ADAMTSL1: variants seen among roughly 807,000 people sequenced by gnomAD.
ADAMTSL1 encodes the protein ADAMTS like 1, also known as ADAMTS-like protein 1.
ADAMTSL1 carries 126 observed loss-of-function variants against 201.8 expected under a neutral mutation model. That is an observed-to-expected ratio of 0.62 (90% CI 0.54 to 0.72). ADAMTSL1 has a LOEUF of 0.72. ADAMTSL1 is among the 30% of genes least tolerant of loss of function. ADAMTSL1 has a pLI of 0.00. For missense variants in ADAMTSL1, 2,679 were observed against 2,277.8 expected (o/e 1.18, Z -3.59); for synonymous variants, 1,121 against 903.4 (o/e 1.24, Z -4.32).
intron 15 of ADAMTSL1, among the ~76,000 whole-genome samples, chr9:18,733,958 T>G (rs1402065886): frequency 2.8e-5 from 4 of 143,808 alleles, no homozygotes; most frequent in Non-Finnish European, 3.0e-5. Flanking sequence ...CAAAACTACC[T>G]AAACTAATTC....
Position 18,777,064 on chromosome 9 carries a change from C to T in ADAMTSL1, c.2835C>T (p.Tyr945=). The change falls in exon 19 of 29, where the codon TAC becomes TAT. Residue 945 remains tyrosine, a synonymous_variant. Coordinates refer to ENST00000380548, the MANE Select transcript of ADAMTSL1 (RefSeq NM_001040272.6). Reference sequence around the variant, plus strand: ...TCAAGCCCTCGGATGCAGGCGTCTACACCTGCTCAGCGGGCCCGGCCCGGG... The same window carrying T: ...TCAAGCCCTCGGATGCAGGCGTCTATACCTGCTCAGCGGGCCCGGCCCGGG... The part of the protein sequence containing the change: ...HRLKPSDAGV[Y]TCSAGPAREH... 6.2e-7 allele frequency: 1 copy of T among 1,613,386 alleles called. No homozygotes were observed. The highest frequency in any genetic ancestry group is 8.5e-7 in the Non-Finnish European group (1 of 1,179,792).
intron 22 of ADAMTSL1, among the ~76,000 whole-genome samples, chr9:18,827,400 T>C (rs1206257358): frequency 6.6e-6 from 1 of 152,062 alleles, no homozygotes; most frequent in Non-Finnish European, 1.5e-5. Flanking sequence ...GTTGAAGATA[T>C]ACCAACACAT....
At chr9:18,035,960 C>T (rs533469917) in intron 1 of ADAMTSL1, among the ~76,000 whole-genome samples, 1 of 152,228 alleles carries the variant, frequency 6.6e-6, no homozygotes, top group South Asian at 2.1e-4. Context: ...TTGGTCCTTA[C>T]CCCCTATCTT....
upstream of ADAMTSL1, among the ~76,000 whole-genome samples, chr9:18,472,559 A>G (rs1169858233): frequency 1.3e-5 from 2 of 152,358 alleles, no homozygotes; most frequent in South Asian, 2.1e-4. Flanking sequence ...TTGATATACC[A>G]TATGAAGTAG....
At chr9:17,942,554 T>C (rs1827283245) in intron 1 of ADAMTSL1, among the ~76,000 whole-genome samples, 1 of 152,136 alleles carries the variant, frequency 6.6e-6, no homozygotes, top group East Asian at 1.9e-4. Flanking sequence ...TGGATGATGC[T>C]CACCTAGAAG....
At chr9:18,418,404 A>G (rs545390143) in intron 2 of ADAMTSL1, among the ~76,000 whole-genome samples, 1 of 152,174 alleles carries the variant, frequency 6.6e-6, no homozygotes, top group Non-Finnish European at 1.5e-5. Context: ...TATACAGATC[A>G]GAAAGGAAAC....
At chr9:18,765,593 A>G (rs1820311962) in intron 16 of ADAMTSL1, among the ~76,000 whole-genome samples, 1 of 152,238 alleles carries the variant, frequency 6.6e-6, no homozygotes, top group African/African-American at 2.4e-5. Flanking sequence ...TTACTGGGAA[A>G]CAAACAAATA....
chr9:18,607,990 A>G (rs1396948931), intron 4 of ADAMTSL1, among the ~76,000 whole-genome samples: 1 of 152,070 alleles, frequency 6.6e-6, no homozygotes, highest in Non-Finnish European at 1.5e-5. Context: ...TCGGACATAA[A>G]CCACTTATTG....
At chr9:18,427,382 G>A (rs771811162) in intron 2 of ADAMTSL1, among the ~76,000 whole-genome samples, 2 of 152,180 alleles carry the variant, frequency 1.3e-5, no homozygotes, top group Non-Finnish European at 2.9e-5. Context: ...CACTTGATGG[G>A]TAGAAAAACA....
Position 18,437,138 on chromosome 9 carries a change from C to A in ADAMTSL1, c.208-67691C>A, listed in dbSNP as rs142252713. ...GATTCACATGGAGGGGGACACTCTG[C>A]GCATCAAAACTGAACTCACTATCTC... On this transcript the variant is annotated intron_variant, in intron 2 of 29. Coordinates refer to the ADAMTSL1 transcript ENST00000680146. Among the ~76,000 whole-genome samples, 212 of 151,818 alleles carry A rather than the reference C, an allele frequency of 1.4e-3. 1 individual carries two copies. The highest frequency in any genetic ancestry group is 4.8e-3 in the African/African-American group (198 of 41,380).
At chr9:18,316,516 C>T (rs1258438881) in intron 2 of ADAMTSL1, among the ~76,000 whole-genome samples, 3 of 152,076 alleles carry the variant, frequency 2.0e-5, no homozygotes, top group Non-Finnish European at 4.4e-5. Flanking sequence ...CGATGTTTCT[C>T]CCATTTGCTT....
intron 1 of ADAMTSL1, among the ~76,000 whole-genome samples, chr9:17,940,170 T>C (rs943556275): frequency 5.3e-5 from 8 of 152,156 alleles, no homozygotes; most frequent in African/African-American, 1.4e-4. Context: ...GGAGGTTGTT[T>C]AATGCTTTTG....
rs1480354372 is a variant in ADAMTSL1 at position 17,955,856 on chromosome 9, G to T, written c.87+48934G>T. 2.6e-5 allele frequency among the ~76,000 whole-genome samples: 4 copies of T among 152,144 alleles called. No homozygotes were observed. The East Asian group carries it at 7.7e-4, about 29-fold the overall frequency. On this transcript the variant is annotated intron_variant, in intron 1 of 29. Transcript: ENST00000680146. ...GGTTTCGTTCTATCCATGGATTCAGGTATCCCCTGAGGTTCTTAGGATATG... is the reference window on the plus strand; with the variant it reads ...GGTTTCGTTCTATCCATGGATTCAGTTATCCCCTGAGGTTCTTAGGATATG...
intron 1 of ADAMTSL1, among the ~76,000 whole-genome samples, chr9:18,149,828 A>G (rs1587162788): frequency 6.6e-6 from 1 of 152,068 alleles, no homozygotes; most frequent in African/African-American, 2.4e-5. Flanking sequence ...AAACCTGCAG[A>G]TGGAGCAGTC....
intron 3 of ADAMTSL1, among the ~76,000 whole-genome samples, chr9:18,542,658 T>C (rs1225940699): frequency 6.6e-6 from 1 of 152,140 alleles, no homozygotes; most frequent in East Asian, 1.9e-4. Context: ...ACCCCTGATG[T>C]TGGCCTCCTA....
At chr9:18,255,277 C>G (rs1831638961) in intron 2 of ADAMTSL1, among the ~76,000 whole-genome samples, 1 of 152,124 alleles carries the variant, frequency 6.6e-6, no homozygotes, top group Admixed American at 6.5e-5. Context: ...GCATTCTTTA[C>G]CTTGTAGCAG....
chr9:18,619,281 C>G (rs1825880516), intron 4 of ADAMTSL1, among the ~76,000 whole-genome samples: 1 of 152,098 alleles, frequency 6.6e-6, no homozygotes, highest in Non-Finnish European at 1.5e-5. Flanking sequence ...ATCCTGATAT[C>G]CCTGCAAACA....
At chr9:18,735,741 C>CTTTTTTTCTTT (rs5896800) in intron 15 of ADAMTSL1, among the ~76,000 whole-genome samples, 3 of 76,646 alleles carry the variant, frequency 3.9e-5, no homozygotes, top group East Asian at 3.0e-4. Context: ...AGACGGCATT[C>CTTTTTTTCTTT]TTTTTTCTTT....
chr9:18,478,600 T>A (rs1821577177), intron 1 of ADAMTSL1, among the ~76,000 whole-genome samples: 1 of 152,190 alleles, frequency 6.6e-6, no homozygotes, highest in Non-Finnish European at 1.5e-5. Context: ...TTTCCAGGAA[T>A]GACACGCTCT....
Sources: allele counts gnomAD v4.1 joint callset (sites outside exome capture counted in the v4.1 genomes callset), GRCh38; gene constraint gnomAD v4.1.1; transcripts MANE v1.5; gene names NCBI Gene and HGNC (gene_info 2026-07-23, HGNC 2026-07-21).